Variants in LETM1 observed in about 807,000 individuals in gnomAD.
LETM1 encodes the protein mitochondrial proton/calcium exchanger protein.
A neutral mutation model predicts 74.5 loss-of-function variants in LETM1; 50 were observed. The observed-to-expected ratio is 0.67, with a 90% CI of 0.53 to 0.85. The LOEUF is 0.85. LETM1 is among the 40% of genes least tolerant of loss of function. LETM1 has a pLI of 0.00. For synonymous variants in LETM1, 446 were observed against 407.1 expected (o/e 1.10, Z -1.15); for missense variants, 824 against 967.8 (o/e 0.85, Z 1.97).
Position 1,849,217 on chromosome 4 carries a change from A to G in LETM1, c.83-8T>C. ...CAGGATCCCCTGGACTACCTGTAAC[A>G]GGAACAGGGGAAAATAAATGAGTAG... On this transcript the variant is annotated splice_polypyrimidine_tract_variant and splice_region_variant and intron_variant, in intron 1 of 13. Coordinates refer to ENST00000302787, the MANE Select transcript of LETM1 (RefSeq NM_012318.3). The G allele has an allele frequency of 6.2e-7, 1 of 1,604,672 alleles. No individual in the cohort carries two copies. The highest frequency in any genetic ancestry group is 1.1e-5 in the South Asian group (1 of 90,886).
chr4:1,834,156 C>A lies in LETM1; in HGVS notation c.876+689G>T. ...GCTTTGCAGCCATGGAAACCACTCG[C>A]CTCTGTGCTGCAGCGGGAAAACCCC... On this transcript the variant is annotated intron_variant, in intron 5 of 13. Coordinates refer to ENST00000302787, the MANE Select transcript of LETM1 (RefSeq NM_012318.3). The surrounding 1 kb of genome is among the most constrained non-coding windows in gnomAD (Gnocchi z 5.0). The A allele has an allele frequency of 6.5e-6, 1 of 154,402 alleles. No individual in the cohort carries two copies. The highest frequency in any genetic ancestry group is 1.4e-5 in the Non-Finnish European group (1 of 69,898). The allele number at this position is 154,402 out of a possible 1,614,324, so 9.6% of individuals were successfully genotyped here.
intron 6 of LETM1, among the ~76,000 whole-genome samples, chr4:1,828,981 GC>G (rs1474968665): frequency 8.8e-6 from 1 of 113,370 alleles, no homozygotes; most frequent in Non-Finnish European, 1.8e-5. Flanking sequence ...GGCTGGCCGG[GC>G]AGGGGGGCTG....
At chr4:1,827,020 A>G (rs1423577023) in intron 6 of LETM1, among the ~76,000 whole-genome samples, 1 of 152,122 alleles carries the variant, frequency 6.6e-6, no homozygotes, top group East Asian at 1.9e-4. Context: ...CCCGTCCCTC[A>G]GCCCCGCTCA....
chr4:1,848,562 A>T (rs951058277), intron 2 of LETM1, among the ~76,000 whole-genome samples: 1 of 151,012 alleles, frequency 6.6e-6, no homozygotes, highest in Non-Finnish European at 1.5e-5. Flanking sequence ...AAAAAAAAAA[A>T]AAAATTAGCC....
At chr4:1,849,786 G>A (rs554809016) in intron 1 of LETM1, among the ~76,000 whole-genome samples, 4 of 152,302 alleles carry the variant, frequency 2.6e-5, no homozygotes, top group South Asian at 4.1e-4. Context: ...GGCCTCGAGC[G>A]ACCCTCCTGC....
At chr4:1,840,329 A>G (rs1312907585) in intron 3 of LETM1, among the ~76,000 whole-genome samples, 2 of 152,004 alleles carry the variant, frequency 1.3e-5, no homozygotes, top group African/African-American at 2.4e-5. Context: ...GTGAGCCGAG[A>G]TTGTGCCACT....
In LETM1 at chr4:1,832,912, T is replaced by G. The variant is rs1577319061; in HGVS notation, c.912A>C (p.Glu304Asp). The change falls in exon 6 of 14, where the codon GAA becomes GAC. Residue 304 changes from glutamate to aspartate, a missense_variant. Around this residue, in one of 4 missense-constraint regions of LETM1, gnomAD observed 269 missense variants for 348.8 expected, o/e 0.77. Transcript: ENST00000302787. ...CAAATAATTTGGAAAAACGCATGATTTCCTCATTGCTGGGCCTCTCCCCTG... is the reference window on the plus strand; with the variant it reads ...CAAATAATTTGGAAAAACGCATGATGTCCTCATTGCTGGGCCTCTCCCCTG... ...RETGERPSNE[E>D]IMRFSKLFED... The G allele has an allele frequency of 1.2e-6, 2 of 1,612,564 alleles. No individual in the cohort carries two copies. The highest frequency in any genetic ancestry group is 1.7e-6 in the Non-Finnish European group (2 of 1,179,980).
At position 1,836,322 on chromosome 4, in the gene LETM1, A is replaced by G. The variant is rs1712461517; in HGVS notation, c.738+107T>C. The G allele has an allele frequency of 1.9e-6, 2 of 1,058,540 alleles. No individual in the cohort carries two copies. Among genetic ancestry groups the G allele is most frequent in the South Asian group, 1.4e-5 (1 of 72,750 alleles). The allele number at this position is 1,058,540 out of a possible 1,614,324, so 65.6% of individuals were successfully genotyped here. On this transcript the variant is annotated intron_variant, in intron 4 of 13. Coordinates refer to ENST00000302787, the MANE Select transcript of LETM1 (RefSeq NM_012318.3). This position sits in a 1 kb window ranked among gnomAD's most constrained non-coding sequence, Gnocchi z 5.8. ...CACAGCACAAGGACAATATGAAGATACATAAAGTCTCAAAAATATCTAGCA... is the reference window on the plus strand; with the variant it reads ...CACAGCACAAGGACAATATGAAGATGCATAAAGTCTCAAAAATATCTAGCA...
At chr4:1,855,768 C>G (rs923653140) in intron 1 of LETM1, 101 bp downstream of exon 1, 4 of 698,126 alleles carry the variant, frequency 5.7e-6, no homozygotes, top group Non-Finnish European at 7.8e-6. Flanking sequence ...GACCACCGGG[C>G]TCCCCGCATC....
intron 12 of LETM1, 66 bp from the exon 13 acceptor site, chr4:1,815,868 C>A: frequency 6.3e-7 from 1 of 1,585,844 alleles, no homozygotes; most frequent in Non-Finnish European, 8.6e-7. Context: ...TCACTGCCCA[C>A]ACCTGTGGCT....
chr4:1,853,891 C>T lies in LETM1; in HGVS notation c.82+1978G>A, dbSNP rs375875722. Among the ~76,000 whole-genome samples, 24 of 152,300 alleles carry T rather than the reference C, an allele frequency of 1.6e-4. No homozygotes were observed. In the East Asian group the frequency reaches 4.2e-3, roughly 27 times the overall value. On this transcript the variant is annotated intron_variant, in intron 1 of 13. Coordinates refer to ENST00000302787, the MANE Select transcript of LETM1 (RefSeq NM_012318.3). Reference sequence around the variant, plus strand: ...CCCTACTGTTTCTACAGCAGACCTGCCAGTGTCCCTGTCACAAAGCACAGT... The same window carrying T: ...CCCTACTGTTTCTACAGCAGACCTGTCAGTGTCCCTGTCACAAAGCACAGT...
At chr4:1,820,883 G>A (rs945629204) in intron 10 of LETM1, among the ~76,000 whole-genome samples, 4 of 152,082 alleles carry the variant, frequency 2.6e-5, no homozygotes, top group African/African-American at 9.7e-5. Flanking sequence ...AATTAGCTGG[G>A]TGTGGTGGTG....
At chr4:1,815,262 C>T (rs1221576454) in intron 13 of LETM1, among the ~76,000 whole-genome samples, 1 of 152,160 alleles carries the variant, frequency 6.6e-6, no homozygotes, top group Non-Finnish European at 1.5e-5. Context: ...CCCGCGGCTC[C>T]CCTGTGTAGT....
chr4:1,819,681 C>A (rs980474991), intron 10 of LETM1, among the ~76,000 whole-genome samples: 2 of 152,166 alleles, frequency 1.3e-5, no homozygotes, highest in Non-Finnish European at 2.9e-5. Flanking sequence ...ATATGCCAAA[C>A]CCCATTTGTT....
intron 11 of LETM1, among the ~76,000 whole-genome samples, chr4:1,818,555 G>A (rs1711659292): frequency 6.6e-6 from 1 of 151,888 alleles, no homozygotes; most frequent in Non-Finnish European, 1.5e-5. Flanking sequence ...GGAAGTTGCA[G>A]TGAGTCGAGA....
chr4:1,812,784 A>C lies in LETM1; in HGVS notation c.*1640T>G, dbSNP rs1306716297. 1 of 152,408 alleles carries C rather than the reference A, an allele frequency of 6.6e-6. No homozygotes were observed. Among genetic ancestry groups the C allele is most frequent in the Non-Finnish European group, 1.5e-5 (1 of 68,134 alleles). 9.4% of individuals were successfully genotyped at this position (152,408 alleles called of 1,614,324 possible). ...CCTGCAAAGCCCCTGCAGCACCCGG[A>C]GGGCAAGCTGGCTTTTGGAGGCCAT... On this transcript the variant is annotated 3_prime_UTR_variant, in exon 14 of 14. Transcript: ENST00000302787.
chr4:1,825,498 G>A, intron 7 of LETM1, 66 bp downstream of exon 7: 3 of 1,563,662 alleles, frequency 1.9e-6, no homozygotes, highest in Non-Finnish European at 2.6e-6. Context: ...GCCTCCGAGT[G>A]GCCTTTCGAG....
At chr4:1,847,020 C>T (rs1277230557) in intron 2 of LETM1, among the ~76,000 whole-genome samples, 3 of 152,038 alleles carry the variant, frequency 2.0e-5, no homozygotes, top group Non-Finnish European at 4.4e-5. Flanking sequence ...ATCTAAAATG[C>T]AATGCATGTG....
At chr4:1,850,523 G>T (rs562236943) in intron 1 of LETM1, among the ~76,000 whole-genome samples, 1 of 151,882 alleles carries the variant, frequency 6.6e-6, no homozygotes, top group East Asian at 1.9e-4. Context: ...CAACCGGACC[G>T]GGCGCAGTGG....
Sources: gnomAD v4.1 joint callset for allele counts (sites outside exome capture counted in the v4.1 genomes callset) on GRCh38, gnomAD v4.1.1 for gene constraint, gnomAD v4.1.1 regional missense constraint, Gnocchi (gnomAD v3.1) non-coding constraint, MANE v1.5 for transcripts, NCBI Gene and HGNC (gene_info 2026-07-23, HGNC 2026-07-21) for gene names.